Variants in SRPK1 observed in about 807,000 individuals in gnomAD.
SRPK1 encodes the protein SRSF protein kinase 1, also known as SFRS protein kinase 1.
SRPK1 carries 52 observed loss-of-function variants against 89.5 expected under a neutral mutation model. The observed-to-expected ratio is 0.58, with a 90% confidence interval of 0.46 to 0.73. SRPK1 has a LOEUF of 0.73. Among genes scored for constraint, SRPK1 ranks in the 30% least tolerant of loss-of-function variants. SRPK1 has a pLI of 0.00. For synonymous variants in SRPK1, 255 were observed against 270.2 expected, an observed-to-expected ratio of 0.94 and a Z score of 0.55; for missense variants, 603 against 780.6, an observed-to-expected ratio of 0.77 and a Z score of 2.71.
chr6:35,910,990 A>T (rs1283872099), intron 2 of SRPK1, among the ~76,000 whole-genome samples: 1 of 152,228 alleles, frequency 6.6e-6, no homozygotes, highest in Non-Finnish European at 1.5e-5. Context: ...GTACAAAGAG[A>T]TTAATGTTGT....
chr6:35,898,922 T>G (rs1403831042), intron 2 of SRPK1, among the ~76,000 whole-genome samples: 1 of 152,122 alleles, frequency 6.6e-6, no homozygotes, highest in East Asian at 1.9e-4. Flanking sequence ...CAGCACTTGG[T>G]GGCCAAGACA....
At chr6:35,842,266 G>C (rs1769326413) in intron 14 of SRPK1, among the ~76,000 whole-genome samples, 1 of 152,120 alleles carries the variant, frequency 6.6e-6, no homozygotes, top group South Asian at 2.1e-4. Flanking sequence ...ATACAGAAAG[G>C]AAGATAACTA....
At chr6:35,897,430 G>A (rs1479987449) in intron 2 of SRPK1, among the ~76,000 whole-genome samples, 2 of 152,172 alleles carry the variant, frequency 1.3e-5, no homozygotes, top group African/African-American at 4.8e-5. Context: ...AAAAGCAATG[G>A]GTAAAAGTAG....
chr6:35,852,455 T>C (rs1769575162), intron 13 of SRPK1, among the ~76,000 whole-genome samples: 1 of 152,240 alleles, frequency 6.6e-6, no homozygotes, highest in Admixed American at 6.5e-5. Context: ...AAAGCAAACC[T>C]ATAGCTTTCA....
chr6:35,854,465 CTA>C (rs969986945), intron 13 of SRPK1, among the ~76,000 whole-genome samples: 1 of 152,132 alleles, frequency 6.6e-6, no homozygotes, highest in Non-Finnish European at 1.5e-5. Flanking sequence ...TTTTGTTTTT[CTA>C]TGTCGACTGG....
intron 2 of SRPK1, among the ~76,000 whole-genome samples, chr6:35,916,336 G>C (rs1184471826): frequency 1.3e-5 from 2 of 151,988 alleles, no homozygotes; most frequent in African/African-American, 2.4e-5. Context: ...CTATTTCTAA[G>C]ACTCAGTGAA....
chr6:35,885,282 C>CAA (rs1561985824), intron 6 of SRPK1, among the ~76,000 whole-genome samples: 2 of 134,072 alleles, frequency 1.5e-5, no homozygotes, highest in African/African-American at 5.5e-5. Context: ...CACACACACA[C>CAA]ACACACACAC....
At chr6:35,916,244 AT>A (rs201370888) in intron 2 of SRPK1, among the ~76,000 whole-genome samples, 103 of 142,138 alleles carry the variant, frequency 7.2e-4, no homozygotes, top group Middle Eastern at 7.3e-3. Context: ...AAATAAATAA[AT>A]TAATTAATTA....
intron 7 of SRPK1, 67 bp from the exon 8 acceptor site, chr6:35,872,795 A>G: frequency 7.6e-7 from 1 of 1,310,354 alleles, no homozygotes; most frequent in African/African-American, 1.6e-5. Context: ...GTAAGAGATT[A>G]TAACATGACA....
At chr6:35,915,741 G>C (rs557513082) in intron 2 of SRPK1, among the ~76,000 whole-genome samples, 4 of 152,028 alleles carry the variant, frequency 2.6e-5, no homozygotes, top group Non-Finnish European at 5.9e-5. Context: ...GGGAGGCCGA[G>C]GTGGGCGGAT....
At chr6:35,920,289 T>G in intron 2 of SRPK1, 179 bp downstream of exon 2, 1 of 709,274 alleles carries the variant, frequency 1.4e-6, no homozygotes, top group Non-Finnish European at 2.6e-6. Context: ...GGCCTGGCGT[T>G]GAGCAACAGC....
chr6:35,908,640 AG>A (rs1770898275), intron 2 of SRPK1, among the ~76,000 whole-genome samples: 1 of 152,220 alleles, frequency 6.6e-6, no homozygotes, highest in Non-Finnish European at 1.5e-5. Context: ...AAAGAATAAA[AG>A]TTTGGGAAAT....
In SRPK1 at chr6:35,835,150, A is replaced by T; in HGVS notation, c.*154T>A. The T allele has an allele frequency of 1.3e-6, 1 of 746,940 alleles. No individual in the cohort carries two copies. The highest frequency in any genetic ancestry group is 2.1e-6 in the Non-Finnish European group (1 of 485,800). The allele number at this position is 746,940 out of a possible 1,614,324, so 46.3% of individuals were successfully genotyped here. ...TGTGGGGATCTCCACAGGGTCAAGT[A>T]AGCAAACCCAAATGAACATGTTGGA... On this transcript the variant is annotated 3_prime_UTR_variant, in exon 16 of 16. Transcript: ENST00000373825.
intron 2 of SRPK1, among the ~76,000 whole-genome samples, chr6:35,914,116 C>T (rs1771038975): frequency 1.3e-5 from 2 of 151,646 alleles, no homozygotes; most frequent in Non-Finnish European, 2.9e-5. Flanking sequence ...GCTGGGATTA[C>T]AGGCATGCAC....
intron 12 of SRPK1, 59 bp from the exon 13 acceptor site, chr6:35,857,427 C>T (rs1054530590): frequency 5.1e-5 from 66 of 1,304,868 alleles, no homozygotes; most frequent in Non-Finnish European, 6.1e-5. Context: ...CAAGTCAATA[C>T]TGCTTAATAA....
chr6:35,888,215 G>A (rs1158470456), intron 4 of SRPK1, 104 bp from the exon 5 acceptor site: 3 of 656,932 alleles, frequency 4.6e-6, no homozygotes, highest in South Asian at 5.6e-5. Flanking sequence ...TTGATTTCAC[G>A]TTTCCCTGTA....
chr6:35,860,776 G>A (rs1203240679), intron 12 of SRPK1, among the ~76,000 whole-genome samples: 1 of 152,110 alleles, frequency 6.6e-6, no homozygotes, highest in Non-Finnish European at 1.5e-5. Context: ...CAGGGAGAAA[G>A]GAAGAGTGAG....
chr6:35,856,461 C>T (rs997057185), intron 13 of SRPK1, among the ~76,000 whole-genome samples: 3 of 152,080 alleles, frequency 2.0e-5, no homozygotes. Context: ...TGGTTAGTGT[C>T]TGAAGTGAGG....
chr6:35,845,851 A>C (rs571741573), intron 13 of SRPK1, among the ~76,000 whole-genome samples: 2 of 152,330 alleles, frequency 1.3e-5, no homozygotes, highest in African/African-American at 4.8e-5. Flanking sequence ...GGTGTGCTCA[A>C]TGTATTAACT....
Sources: allele counts gnomAD v4.1 joint callset (sites outside exome capture counted in the v4.1 genomes callset), GRCh38; gene constraint gnomAD v4.1.1; transcripts MANE v1.5; gene names NCBI Gene and HGNC (gene_info 2026-07-23, HGNC 2026-07-21).